Variants in ATP7B observed in about 807,000 individuals in gnomAD.
ATP7B encodes the protein ATPase copper transporting beta, also known as copper-transporting ATPase 2.
A neutral mutation model predicts 118.9 loss-of-function variants in ATP7B; 113 were observed. That is an observed-to-expected ratio of 0.95 (90% CI 0.82 to 1.11). ATP7B has a LOEUF of 1.11. ATP7B is among the 50% of genes most tolerant of loss of function. The probability of loss-of-function intolerance (pLI) is 0.00; values close to 1 mark genes in which losing one functional copy is unlikely to be tolerated. For synonymous variants in ATP7B, 777 were observed against 727.4 expected (o/e 1.07, Z -1.10); for missense variants, 1,867 against 1,871.4 (o/e 1.00, Z 0.04).
chr13:51,992,676 C>A (rs756627705), intron 1 of ATP7B, among the ~76,000 whole-genome samples: 1 of 152,008 alleles, frequency 6.6e-6, no homozygotes. Flanking sequence ...AGTGGAACTG[C>A]AATAAAAAAT....
At chr13:51,984,080 A>G (rs1952542684) in intron 1 of ATP7B, among the ~76,000 whole-genome samples, 1 of 152,150 alleles carries the variant, frequency 6.6e-6, no homozygotes, top group Admixed American at 6.5e-5. Context: ...AATTGACAGA[A>G]GTAGGTTTTA....
chr13:51,975,529 G>A (rs1238494749), intron 1 of ATP7B: 2 of 525,634 alleles, frequency 3.8e-6, no homozygotes, highest in Non-Finnish European at 7.6e-6. Context: ...CGGTGGGAAG[G>A]CACAGGTATC....
chr13:51,949,635 C>T (rs1397430558), intron 12 of ATP7B, 27 bp downstream of exon 12: 1 of 1,612,408 alleles, frequency 6.2e-7, no homozygotes, highest in East Asian at 2.2e-5. Context: ...AACACAACCA[C>T]CATATAGCCC....
intron 1 of ATP7B, among the ~76,000 whole-genome samples, chr13:52,003,083 C>A (rs956300651): frequency 6.6e-6 from 1 of 152,166 alleles, no homozygotes; most frequent in African/African-American, 2.4e-5. Context: ...GCTTTCTTAT[C>A]ATTTATCTGT....
At chr13:51,969,654 TA>T (rs1951744369) in intron 3 of ATP7B, among the ~76,000 whole-genome samples, 1 of 152,060 alleles carries the variant, frequency 6.6e-6, no homozygotes, top group South Asian at 2.1e-4. Flanking sequence ...GGATGCCACA[TA>T]GGATAAAAAT....
intron 1 of ATP7B, among the ~76,000 whole-genome samples, chr13:51,980,048 T>C (rs1413016158): frequency 6.6e-6 from 1 of 152,220 alleles, no homozygotes; most frequent in Admixed American, 6.5e-5. Flanking sequence ...ACAGGGCATA[T>C]GCATGCTTTT....
chr13:51,991,238 T>C (rs1241429226), intron 1 of ATP7B, among the ~76,000 whole-genome samples: 1 of 152,160 alleles, frequency 6.6e-6, no homozygotes, highest in African/African-American at 2.4e-5. Context: ...CCTGCTGCAG[T>C]ATAAATCTAC....
chr13:51,988,114 A>G (rs1230023505), intron 1 of ATP7B, among the ~76,000 whole-genome samples: 2 of 152,190 alleles, frequency 1.3e-5, no homozygotes, highest in Non-Finnish European at 2.9e-5. Flanking sequence ...CATCAGAGTG[A>G]ACAGGCAACC....
Position 51,946,408 on chromosome 13 carries a change from A to T in ATP7B, c.2936T>A (p.Leu979Gln). 1 of 1,614,186 alleles carries T rather than the reference A, an allele frequency of 6.2e-7. No homozygotes were observed. Among genetic ancestry groups the T allele is most frequent in the Non-Finnish European group, 8.5e-7 (1 of 1,180,052 alleles). Reference protein sequence around the residue: ...RFAFQTSITVLCIACPCSLGL... With the variant: ...RFAFQTSITVQCIACPCSLGL... ...CAGGGAGCAGGGGCAGGCAATGCAC[A>T]GCACCGTGATGGACGTCTGGAAAGC... Residue 979 changes from leucine to glutamine, a missense_variant, in exon 13 of 21, where the codon CTG becomes CAG. Leu to Gln is a moderately radical substitution (Grantham distance 113). Coordinates refer to ENST00000242839, the MANE Select transcript of ATP7B (RefSeq NM_000053.4).
intron 4 of ATP7B, 70 bp downstream of exon 4, chr13:51,968,374 C>T (rs145177474): frequency 3.3e-5 from 53 of 1,608,026 alleles, no homozygotes; most frequent in Middle Eastern, 3.3e-4. Context: ...TTACTAATCA[C>T]AAAGATGGAT....
chr13:51,986,006 A>T (rs570214019), intron 1 of ATP7B, among the ~76,000 whole-genome samples: 321 of 152,322 alleles, frequency 2.1e-3, no homozygotes, highest in Non-Finnish European at 3.9e-3. Flanking sequence ...TAAAAGAACT[A>T]GAGCAGCAAG....
rs764340318 is a variant in ATP7B, at chr13:52,011,318, T to C, written c.20A>G (p.Gln7Arg). 10 of 1,613,746 alleles carry C rather than the reference T, an allele frequency of 6.2e-6. No homozygotes were observed. In the Admixed American group the frequency reaches 1.5e-4, roughly 24 times the overall value. Residue 7 changes from glutamine to arginine, a missense_variant, in exon 1 of 21, where the codon CAG (glutamine) becomes CGG (arginine). Physicochemically the swap from Gln to Arg is conservative, Grantham distance 43. Coordinates refer to ENST00000242839, the MANE Select transcript of ATP7B (RefSeq NM_000053.4). The stretch of plus-strand genomic sequence containing the variant: ...ACTGGCCCCTTCTCTGGCTGTGATC[T>C]GTCTCTCCTGCTCAGGCATCGTCCC... MPEQER[Q>R]ITAREGASRK... is the part of the protein sequence containing the mutation.
intron 1 of ATP7B, among the ~76,000 whole-genome samples, chr13:51,993,300 G>C (rs1486777430): frequency 1.3e-5 from 2 of 152,042 alleles, no homozygotes; most frequent in Non-Finnish European, 2.9e-5. Flanking sequence ...AGGCACGGTG[G>C]CTCACATCTA....
At chr13:51,996,592 G>A (rs732071) in intron 1 of ATP7B, among the ~76,000 whole-genome samples, 89,401 of 152,076 alleles carry the variant, frequency 0.59, 28,224 homozygotes, top group Non-Finnish European at 0.71. Context: ...TGTGCACCCA[G>A]TGAGGGCACT....
intron 1 of ATP7B, among the ~76,000 whole-genome samples, chr13:52,004,086 C>T (rs1355976686): frequency 5.9e-5 from 9 of 151,908 alleles, no homozygotes; most frequent in African/African-American, 1.9e-4. Context: ...GGTGAAACCC[C>T]GTCTCTACTA....
chr13:51,937,347 G>A lies in ATP7B; in HGVS notation c.3950C>T (p.Thr1317Ile), dbSNP rs1194052366. The A allele has an allele frequency of 1.2e-6, 2 of 1,614,232 alleles. No individual in the cohort carries two copies. Among genetic ancestry groups the A allele is most frequent in the Non-Finnish European group, 1.7e-6 (2 of 1,180,038 alleles). The change falls in exon 19 of 21, where the codon ACT becomes ATT. Residue 1317 changes from threonine (T) to isoleucine (I), a missense_variant. By Grantham distance (89) the Thr-to-Ile change is moderately conservative. Coordinates refer to ENST00000242839, the MANE Select transcript of ATP7B (RefSeq NM_000053.4). Reference protein sequence around the residue: ...VVASIHLSKRTVRRIRINLVL... With the variant: ...VVASIHLSKRIVRRIRINLVL... The stretch of plus-strand genomic sequence containing the variant: ...CAGGTTGATGCGTATCCTTCGGACA[G>A]TCCTCTTGGAAAGGTGAATGCTAGC...
chr13:51,974,113 G>T lies in ATP7B; in HGVS notation c.1107C>A (p.Thr369=), dbSNP rs750817123. The part of the protein sequence containing the change: ...STTLIAIAGM[T]CASCVHSIEG... The stretch of plus-strand genomic sequence containing the variant: ...CAATGGAATGGACACAGGATGCACA[G>T]GTCATGCCGGCAATGGCAATCAGAG... Residue 369 remains threonine (T), a synonymous_variant, in exon 2 of 21, where the codon ACC becomes ACA. Transcript: ENST00000242839. 6 of 1,614,052 alleles carry T rather than the reference G, an allele frequency of 3.7e-6. No individual in the cohort carries two copies. The highest frequency in any genetic ancestry group is 4.2e-6 in the Non-Finnish European group (5 of 1,180,042).
intron 16 of ATP7B, among the ~76,000 whole-genome samples, chr13:51,939,504 G>C (rs1957190800): frequency 6.6e-6 from 1 of 152,224 alleles, no homozygotes; most frequent in Non-Finnish European, 1.5e-5. Flanking sequence ...ACTTTGCGAA[G>C]TGCCTGGCTT....
chr13:51,968,630 G>A, intron 3 of ATP7B, 23 bp from the exon 4 acceptor site: 6 of 1,613,718 alleles, frequency 3.7e-6, no homozygotes, highest in Non-Finnish European at 5.1e-6. Flanking sequence ...GGTCATGGCT[G>A]TAACACTCTG....
Sources: gnomAD v4.1 joint callset for allele counts (sites outside exome capture counted in the v4.1 genomes callset) on GRCh38, gnomAD v4.1.1 for gene constraint, MANE v1.5 for transcripts, NCBI Gene and HGNC (gene_info 2026-07-23, HGNC 2026-07-21) for gene names.